BRD4: variants seen among roughly 807,000 people sequenced by gnomAD.
BRD4 encodes bromodomain containing 4.
BRD4 carries 16 observed loss-of-function variants against 142.1 expected under a neutral mutation model. The observed-to-expected ratio is 0.11, with a 90% CI of 0.08 to 0.17. BRD4 has a LOEUF of 0.17. BRD4 is among the 10% of genes least tolerant of loss of function. The probability of loss-of-function intolerance (pLI) is 1.00; values close to 1 mark genes in which losing one functional copy is unlikely to be tolerated. For synonymous variants in BRD4, 833 were observed against 707.5 expected (o/e 1.18, Z -2.82); for missense variants, 1,424 against 1,810.9 (o/e 0.79, Z 3.88).
intron 1 of BRD4, among the ~76,000 whole-genome samples, chr19:15,329,234 AT>A (rs1415051918): frequency 6.6e-6 from 1 of 152,176 alleles, no homozygotes; most frequent in Non-Finnish European, 1.5e-5. Context: ...TTTATGAAAC[AT>A]TAGGAGCTCC....
chr19:15,287,238 T>C (rs1406748824), intron 1 of BRD4, among the ~76,000 whole-genome samples: 1 of 151,160 alleles, frequency 6.6e-6, no homozygotes, highest in East Asian at 1.9e-4. Flanking sequence ...AGTGCCTTTA[T>C]TCTTTTTTTT....
rs1599469360 is a variant in BRD4 at position 15,269,001 on chromosome 19, T to C, written c.327A>G (p.Thr109=). The C allele has an allele frequency of 6.2e-7, 1 of 1,614,268 alleles. No homozygotes were observed. The highest frequency in any genetic ancestry group is 1.3e-5 in the African/African-American group (1 of 75,072). ...AGTTGTTTTCCAAGCGCTTCTTTAT[T>C]GTTCCCATATCCATAGGCGTTTTAA... is the stretch of plus-strand genomic sequence containing the variant. ...KIIKTPMDMG[T]IKKRLENNYY... Residue 109 remains threonine (T), a synonymous_variant, in exon 3 of 20, where the codon ACA becomes ACG. Transcript: ENST00000679869.
chr19:15,327,468 C>T (rs1291018795), intron 1 of BRD4, among the ~76,000 whole-genome samples: 1 of 151,972 alleles, frequency 6.6e-6, no homozygotes, highest in East Asian at 1.9e-4. Context: ...TGCTTGAACC[C>T]GGGGGGTGGA....
intron 1 of BRD4, among the ~76,000 whole-genome samples, chr19:15,310,356 A>AT (rs2047957163): frequency 1.3e-4 from 1 of 7,842 alleles, no homozygotes; most frequent in Non-Finnish European, 2.7e-4. Flanking sequence ...TGATTTTTGG[A>AT]TTCCCCCCCC....
intron 1 of BRD4, among the ~76,000 whole-genome samples, chr19:15,287,049 G>A (rs1022883457): frequency 1.3e-5 from 2 of 152,152 alleles, no homozygotes; most frequent in African/African-American, 4.8e-5. Flanking sequence ...AGATCCACCT[G>A]TGCTTTAAAT....
Position 15,239,617 on chromosome 19 carries a change from C to T in BRD4, c.3445+42G>A, listed in dbSNP as rs200345800. On this transcript the variant is annotated intron_variant, in intron 16 of 19. Coordinates refer to ENST00000679869, the MANE Select transcript of BRD4 (RefSeq NM_001379291.1). This position sits in a 1 kb window ranked among gnomAD's most constrained non-coding sequence, Gnocchi z 7.4. Reference sequence around the variant, plus strand: ...GCAAGCTTATGTCCAACACGGGCCTCGGGGGGCCTGAGCCCTGGCTGTGGG... The same window carrying T: ...GCAAGCTTATGTCCAACACGGGCCTTGGGGGGCCTGAGCCCTGGCTGTGGG... 2.8e-5 allele frequency: 44 copies of T among 1,557,698 alleles called. No individual in the cohort carries two copies. The highest frequency in any genetic ancestry group is 2.2e-4 in the Admixed American group (11 of 51,114).
rs1232683262 is a variant in BRD4 at position 15,264,298 on chromosome 19, C to T, written c.1212+106G>A. ...TGGCGGGAAAAATCCACGCAGCCAC[C>T]GTTCCAGGGCCTGGGCTTCCTCTTG... On this transcript the variant is annotated intron_variant, in intron 6 of 19. Coordinates refer to ENST00000679869, the MANE Select transcript of BRD4 (RefSeq NM_001379291.1). 5.0e-5 allele frequency: 72 copies of T among 1,444,854 alleles called. No individual in the cohort carries two copies. The South Asian group carries it at 6.5e-4, about 13-fold the overall frequency. 89.5% of individuals were successfully genotyped at this position (1,444,854 alleles called of 1,614,324 possible).
intron 7 of BRD4, among the ~76,000 whole-genome samples, chr19:15,259,302 G>A (rs926222018): frequency 6.6e-6 from 1 of 152,232 alleles, no homozygotes; most frequent in African/African-American, 2.4e-5. Flanking sequence ...GCCCTCTACT[G>A]AGTGGTAGCT....
chr19:15,301,451 C>T (rs1286376463), intron 1 of BRD4, among the ~76,000 whole-genome samples: 1 of 152,016 alleles, frequency 6.6e-6, no homozygotes, highest in African/African-American at 2.4e-5. Flanking sequence ...ATCCCAGGTA[C>T]TCAGGAGGCT....
intron 1 of BRD4, among the ~76,000 whole-genome samples, chr19:15,301,871 A>G (rs970874970): frequency 3.5e-5 from 5 of 143,680 alleles, no homozygotes; most frequent in Admixed American, 6.8e-5. Flanking sequence ...CAAAGAAAAA[A>G]AAAAAAAAAA....
chr19:15,303,702 A>C (rs1335039236), intron 1 of BRD4, among the ~76,000 whole-genome samples: 1 of 152,244 alleles, frequency 6.6e-6, no homozygotes, highest in Non-Finnish European at 1.5e-5. Context: ...CCCCTTATAT[A>C]GTCTGTGTTC....
chr19:15,303,009 A>C (rs866945388), intron 1 of BRD4, among the ~76,000 whole-genome samples: 60 of 126,486 alleles, frequency 4.7e-4, no homozygotes, highest in Middle Eastern at 7.8e-3. Context: ...CTCCGTCGCA[A>C]AAAAAAAAAA....
At chr19:15,270,821 T>C (rs1029904700) in intron 2 of BRD4, among the ~76,000 whole-genome samples, 1 of 152,160 alleles carries the variant, frequency 6.6e-6, no homozygotes, top group Non-Finnish European at 1.5e-5. Context: ...CCCCTTTGGC[T>C]CAGCCCCCAC....
At chr19:15,259,331 G>C (rs891435208) in intron 7 of BRD4, among the ~76,000 whole-genome samples, 1 of 152,250 alleles carries the variant, frequency 6.6e-6, no homozygotes, top group African/African-American at 2.4e-5. Context: ...GAACTGGTCT[G>C]TAAGCCTGGG....
intron 1 of BRD4, among the ~76,000 whole-genome samples, chr19:15,304,282 C>A (rs1043608940): frequency 2.6e-5 from 4 of 152,182 alleles, no homozygotes; most frequent in African/African-American, 9.7e-5. Context: ...AATAACTAAA[C>A]AAGCTTTTCT....
In BRD4 at chr19:15,243,075, G is replaced by C; in HGVS notation, c.2994C>G (p.His998Gln). The stretch of plus-strand genomic sequence containing the variant: ...GGGTGGAAAACTGCATGGGCTGCAA[G>C]TGCACGGGCCGTGGAGGGGGCTGAT... The part of the protein sequence containing the change: ...QQHQPPPRPV[H>Q]LQPMQFSTHI... Residue 998 changes from histidine (H) to glutamine (Q), a missense_variant, in exon 14 of 20, where the codon CAC becomes CAG. Physicochemically the swap from His to Gln is conservative, Grantham distance 24. Coordinates refer to ENST00000679869, the MANE Select transcript of BRD4 (RefSeq NM_001379291.1). 2.0e-6 allele frequency: 3 copies of C among 1,521,546 alleles called. No homozygotes were observed. The highest frequency in any genetic ancestry group is 2.6e-6 in the Non-Finnish European group (3 of 1,135,766). The allele number at this position is 1,521,546 out of a possible 1,614,324, so 94.3% of individuals were successfully genotyped here.
At chr19:15,279,644 G>C (rs1182280995) in intron 1 of BRD4, among the ~76,000 whole-genome samples, 1 of 152,178 alleles carries the variant, frequency 6.6e-6, no homozygotes, top group Non-Finnish European at 1.5e-5. Context: ...TGCAGGGCAG[G>C]CTTAGTTCTG....
intron 1 of BRD4, among the ~76,000 whole-genome samples, chr19:15,310,299 C>T (rs1422838619): frequency 7.1e-6 from 1 of 141,548 alleles, no homozygotes; most frequent in African/African-American, 2.6e-5. Flanking sequence ...CTGCAACCTC[C>T]GCCTCCTGGG....
In BRD4 at chr19:15,253,494, G is replaced by C. The variant is rs201649451; in HGVS notation, c.2158+658C>G. 3 of 1,457,826 alleles carry C rather than the reference G, an allele frequency of 2.1e-6. No homozygotes were observed. The East Asian group carries it at 7.4e-5, about 36-fold the overall frequency. 90.3% of individuals were successfully genotyped at this position (1,457,826 alleles called of 1,614,324 possible). ...AGACCCACGGGGCTTGAAAAGAAGGGACTGTTAGTTAGAACTGCAGGAGGG... is the reference window on the plus strand; with the variant it reads ...AGACCCACGGGGCTTGAAAAGAAGGCACTGTTAGTTAGAACTGCAGGAGGG... On this transcript the variant is annotated intron_variant, in intron 11 of 19. Transcript: ENST00000679869.
Sources: gnomAD v4.1 joint callset for allele counts (sites outside exome capture counted in the v4.1 genomes callset) on GRCh38, gnomAD v4.1.1 for gene constraint, Gnocchi (gnomAD v3.1) non-coding constraint, MANE v1.5 for transcripts, NCBI Gene and HGNC (gene_info 2026-07-23, HGNC 2026-07-21) for gene names.